MMP26: variants seen among roughly 807,000 people sequenced by gnomAD.
MMP26 encodes the protein matrix metalloproteinase-26.
MMP26 carries 33 observed loss-of-function variants against 31.0 expected under a neutral mutation model. The ratio of observed to expected loss-of-function variants is 1.06; its 90% confidence interval spans 0.81 to 1.42. The LOEUF is 1.42. MMP26 is among the 40% of genes most tolerant of loss of function. The probability of loss-of-function intolerance (pLI) is 0.00; values close to 1 mark genes in which losing one functional copy is unlikely to be tolerated. For synonymous variants in MMP26, 122 were observed against 114.9 expected, an observed-to-expected ratio of 1.06 and a Z score of -0.40; for missense variants, 347 against 316.1, an observed-to-expected ratio of 1.10 and a Z score of -0.74.
At position 4,708,763 on chromosome 11, in the gene MMP26, T is replaced by G. The variant is rs578086847; in HGVS notation, c.-217+3718T>G. Reference sequence around the variant, plus strand: ...AGCCAATCTATTCTCAATGCCCTTTTGCAGAAATGGAAAATCAAGAAACTT... The same window carrying G: ...AGCCAATCTATTCTCAATGCCCTTTGGCAGAAATGGAAAATCAAGAAACTT... On this transcript the variant is annotated intron_variant, in intron 1 of 7. Transcript: ENST00000380390. Among the ~76,000 whole-genome samples, 38 of 151,858 alleles carry G rather than the reference T, an allele frequency of 2.5e-4. 1 individual carries two copies. The South Asian group carries it at 7.9e-3, about 32-fold the overall frequency.
chr11:4,860,716 A>G (rs1190219778), intron 2 of MMP26: 1 of 318,942 alleles, frequency 3.1e-6, no homozygotes, highest in East Asian at 8.6e-5. Flanking sequence ...TTTAGATGAT[A>G]TTTGTAACAC....
chr11:4,884,463 T>G (rs1463843328), intron 2 of MMP26, among the ~76,000 whole-genome samples: 2 of 152,122 alleles, frequency 1.3e-5, no homozygotes, highest in Admixed American at 6.6e-5. Context: ...AAAATACAAC[T>G]ATTATTCAAA....
intron 2 of MMP26, among the ~76,000 whole-genome samples, chr11:4,798,121 C>T (rs990645192): frequency 1.1e-4 from 17 of 152,136 alleles, no homozygotes; most frequent in Middle Eastern, 3.2e-3. Context: ...ATCTCTTTTA[C>T]GACGGCCCAT....
chr11:4,741,303 T>TA (rs113794157), intron 1 of MMP26, among the ~76,000 whole-genome samples: 26,410 of 152,102 alleles, frequency 0.17, 2,761 homozygotes, highest in African/African-American at 0.3. Flanking sequence ...CATGACTGGG[T>TA]TATACCTAAA....
intron 2 of MMP26, among the ~76,000 whole-genome samples, chr11:4,800,736 G>T (rs1849169179): frequency 6.6e-6 from 1 of 152,064 alleles, no homozygotes; most frequent in South Asian, 2.1e-4. Context: ...TTAAATATAA[G>T]TTCCTACTTT....
chr11:4,873,591 C>T (rs773532143), intron 2 of MMP26, among the ~76,000 whole-genome samples: 23 of 151,996 alleles, frequency 1.5e-4, no homozygotes, highest in Non-Finnish European at 2.4e-4. Flanking sequence ...AAAGTAGGTG[C>T]ATAACTTTAG....
chr11:4,754,095 G>A (rs927561007), intron 1 of MMP26, among the ~76,000 whole-genome samples: 4 of 135,176 alleles, frequency 3.0e-5, no homozygotes, highest in African/African-American at 8.0e-5. Flanking sequence ...CTAAAAGAGA[G>A]ATTTTTTTTT....
chr11:4,796,010 T>C (rs1231529859), intron 2 of MMP26, among the ~76,000 whole-genome samples: 1 of 152,186 alleles, frequency 6.6e-6, no homozygotes, highest in Non-Finnish European at 1.5e-5. Flanking sequence ...TGGAGCCCAT[T>C]ATTTTTTCCT....
chr11:4,903,061 T>C (rs1850827069), intron 2 of MMP26, among the ~76,000 whole-genome samples: 1 of 152,094 alleles, frequency 6.6e-6, no homozygotes, highest in Admixed American at 6.6e-5. Context: ...CCTTATTTTA[T>C]ACATTTTTAC....
rs1851223058 is a variant in MMP26 at position 4,923,789 on chromosome 11, A to C, written c.-144-64279A>C. ...AGAGCAGGCCAGCTTCATGATCTCC[A>C]GGTGAAGACAATAAGCATGAGCCAG... On this transcript the variant is annotated intron_variant, in intron 2 of 7. Transcript: ENST00000380390. 8 of 1,614,050 alleles carry C rather than the reference A, an allele frequency of 5.0e-6. No individual in the cohort carries two copies. The East Asian group carries it at 1.8e-4, about 36-fold the overall frequency.
intron 2 of MMP26, chr11:4,907,632 A>C: frequency 6.2e-7 from 1 of 1,613,986 alleles, no homozygotes; most frequent in Non-Finnish European, 8.5e-7. Flanking sequence ...TTCTTGTTCA[A>C]TGCCATGGGA....
In MMP26 at chr11:4,857,072, A is replaced by G. The variant is rs919253707; in HGVS notation, c.-145+89731A>G. Among the ~76,000 whole-genome samples, 14 of 152,198 alleles carry G rather than the reference A, an allele frequency of 9.2e-5. 1 individual carries two copies. The highest frequency in any genetic ancestry group is 3.3e-4 in the Admixed American group (5 of 15,274). On this transcript the variant is annotated intron_variant, in intron 2 of 7. Transcript: ENST00000380390. ...AGAATCTCTGGGACACATTTAAAGCAGTGTGTAGAGGGAAATTTATAGCAC... is the reference window on the plus strand; with the variant it reads ...AGAATCTCTGGGACACATTTAAAGCGGTGTGTAGAGGGAAATTTATAGCAC...
chr11:4,984,725 T>TATAAA (rs1466320697), intron 2 of MMP26, among the ~76,000 whole-genome samples: 3 of 152,312 alleles, frequency 2.0e-5, no homozygotes, highest in African/African-American at 7.2e-5. Flanking sequence ...CAAATATAAA[T>TATAAA]TGTGTATAGT....
At position 4,852,233 on chromosome 11, in the gene MMP26, T is replaced by G. The variant is rs182675117; in HGVS notation, c.-145+84892T>G. ...AAACTGATAAAATTAAAGAGTGAGA[T>G]AAGCAATTTACCAATAATAGTTGAA... On this transcript the variant is annotated intron_variant, in intron 2 of 7. Transcript: ENST00000380390. Among the ~76,000 whole-genome samples, 565 of 149,482 alleles carry G rather than the reference T, an allele frequency of 3.8e-3. 3 individuals carry two copies. Among genetic ancestry groups the G allele is most frequent in the African/African-American group, 0.013 (518 of 41,096 alleles).
intron 2 of MMP26, among the ~76,000 whole-genome samples, chr11:4,887,960 G>A (rs1850566059): frequency 1.3e-5 from 2 of 152,070 alleles, no homozygotes; most frequent in Admixed American, 1.3e-4. Context: ...AGGCTGTGGG[G>A]AATCTAGTCA....
At chr11:4,788,353 C>T (rs1038037349) in intron 2 of MMP26, among the ~76,000 whole-genome samples, 3 of 151,768 alleles carry the variant, frequency 2.0e-5, no homozygotes, top group South Asian at 2.1e-4. Flanking sequence ...ACATGAGAAC[C>T]GTAGATTTGA....
chr11:4,905,357 C>T (rs186789034), intron 2 of MMP26, among the ~76,000 whole-genome samples: 1 of 152,140 alleles, frequency 6.6e-6, no homozygotes, highest in Non-Finnish European at 1.5e-5. Flanking sequence ...GCCAAAATGT[C>T]TCTTAGTACC....
intron 1 of MMP26, among the ~76,000 whole-genome samples, chr11:4,749,234 G>T (rs187003688): frequency 6.6e-6 from 1 of 152,014 alleles, no homozygotes; most frequent in African/African-American, 2.4e-5. Flanking sequence ...AATCGAGGAG[G>T]TGAAAGATCT....
intron 2 of MMP26, among the ~76,000 whole-genome samples, chr11:4,899,721 C>T (rs1042024528): frequency 1.3e-5 from 2 of 152,120 alleles, no homozygotes; most frequent in Non-Finnish European, 2.9e-5. Context: ...AGGCTAATGA[C>T]CTCTTTCCTT....
Sources: allele counts gnomAD v4.1 joint callset (sites outside exome capture counted in the v4.1 genomes callset), GRCh38; gene constraint gnomAD v4.1.1; transcripts MANE v1.5; gene names NCBI Gene and HGNC (gene_info 2026-07-23, HGNC 2026-07-21).